NAALADL2: variants seen among roughly 807,000 people sequenced by gnomAD.
The protein encoded by NAALADL2 is N-acetylated alpha-linked acidic dipeptidase like 2.
Under a neutral mutation model 87.2 loss-of-function variants are expected in NAALADL2, and 76 were observed. The ratio of observed to expected loss-of-function variants is 0.87; its 90% CI spans 0.72 to 1.05. NAALADL2 has a LOEUF of 1.05. NAALADL2 is among the 50% of genes least tolerant of loss of function. NAALADL2 has a pLI of 0.00. For missense variants in NAALADL2, 1,089 were observed against 945.8 expected, an observed-to-expected ratio of 1.15 and a Z score of -1.99; for synonymous variants, 354 against 331.0, an observed-to-expected ratio of 1.07 and a Z score of -0.75.
intron 9 of NAALADL2, among the ~76,000 whole-genome samples, chr3:175,512,020 C>G (rs151159158): frequency 6.6e-6 from 1 of 152,050 alleles, no homozygotes; most frequent in Non-Finnish European, 1.5e-5. Flanking sequence ...GGTAGAGGAT[C>G]GCTTTGAGCC....
chr3:174,791,895 A>G (rs2109205331), intron 3 of NAALADL2, among the ~76,000 whole-genome samples: 1 of 152,264 alleles, frequency 6.6e-6, no homozygotes, highest in East Asian at 1.9e-4. Flanking sequence ...GAAGTGTCCA[A>G]TAAATATTTG....
chr3:175,370,816 A>C (rs1319288282), intron 5 of NAALADL2, among the ~76,000 whole-genome samples: 1 of 152,196 alleles, frequency 6.6e-6, no homozygotes, highest in South Asian at 2.1e-4. Flanking sequence ...ATTGTTTTCA[A>C]TAAAAGGGTA....
chr3:174,936,162 G>C (rs1737659464), intron 1 of NAALADL2, among the ~76,000 whole-genome samples: 2 of 152,052 alleles, frequency 1.3e-5, no homozygotes, highest in African/African-American at 4.8e-5. Flanking sequence ...CAATTTTAGA[G>C]TATTTGTTAG....
At chr3:175,147,606 T>G (rs1730930839) in intron 2 of NAALADL2, among the ~76,000 whole-genome samples, 1 of 151,974 alleles carries the variant, frequency 6.6e-6, no homozygotes, top group Admixed American at 6.6e-5. Flanking sequence ...GGGTATATAC[T>G]CAATAATGGG....
chr3:175,324,853 A>G (rs1160630320), intron 5 of NAALADL2, among the ~76,000 whole-genome samples: 1 of 152,238 alleles, frequency 6.6e-6, no homozygotes, highest in Non-Finnish European at 1.5e-5. Context: ...CACTGGAAGT[A>G]TAGAGATGGC....
At chr3:175,367,536 G>T (rs1444812915) in intron 5 of NAALADL2, among the ~76,000 whole-genome samples, 1 of 152,002 alleles carries the variant, frequency 6.6e-6, no homozygotes, top group East Asian at 1.9e-4. Context: ...TTATTTCCTT[G>T]AGCAGTGGTT....
intron 1 of NAALADL2, among the ~76,000 whole-genome samples, chr3:175,005,073 A>G (rs1021226145): frequency 5.3e-5 from 8 of 152,178 alleles, no homozygotes; most frequent in African/African-American, 1.7e-4. Context: ...CTTGAGTGTA[A>G]TGAAAAGGTT....
chr3:175,504,565 T>C (rs148163769), intron 9 of NAALADL2, among the ~76,000 whole-genome samples: 1 of 134,326 alleles, frequency 7.4e-6, no homozygotes, highest in Non-Finnish European at 1.6e-5. Context: ...CTCTCTCTGT[T>C]TCTCTCTCTC....
At chr3:175,282,684 T>G (rs1010453878) in intron 4 of NAALADL2, among the ~76,000 whole-genome samples, 13 of 152,134 alleles carry the variant, frequency 8.5e-5, no homozygotes, top group Admixed American at 6.6e-4. Context: ...TGAGTAATAT[T>G]TATTACATTT....
chr3:175,008,604 G>A (rs1749358688), intron 1 of NAALADL2, among the ~76,000 whole-genome samples: 1 of 152,104 alleles, frequency 6.6e-6, no homozygotes, highest in Non-Finnish European at 1.5e-5. Context: ...AATCACATAA[G>A]CTCCCAATTT....
intron 3 of NAALADL2, among the ~76,000 whole-genome samples, chr3:174,762,640 T>C (rs1713183197): frequency 6.6e-6 from 1 of 151,998 alleles, no homozygotes; most frequent in African/African-American, 2.4e-5. Context: ...TAAGTCAGAC[T>C]TGGGGCCCCA....
intron 2 of NAALADL2, among the ~76,000 whole-genome samples, chr3:174,705,393 G>T (rs138457646): frequency 6.6e-6 from 1 of 152,286 alleles, no homozygotes; most frequent in Non-Finnish European, 1.5e-5. Flanking sequence ...AGCATAATTT[G>T]TCCTGTGACA....
rs552052547 is a variant in NAALADL2 at position 174,940,230 on chromosome 3, G to A, written c.43+80780G>A. 8.9e-4 allele frequency among the ~76,000 whole-genome samples: 135 copies of A among 152,122 alleles called. 1 individual carries two copies. Among genetic ancestry groups the A allele is most frequent in the South Asian group, 1.7e-3 (8 of 4,822 alleles). On this transcript the variant is annotated intron_variant, in intron 1 of 13. Transcript: ENST00000454872. Reference sequence around the variant, plus strand: ...AGTTTATAACATGAAGGAGTGTTGAGTTTTTTCAAAAGCCTTTTATGCATC... The same window carrying A: ...AGTTTATAACATGAAGGAGTGTTGAATTTTTTCAAAAGCCTTTTATGCATC...
intron 1 of NAALADL2, among the ~76,000 whole-genome samples, chr3:174,883,696 G>A (rs1729714455): frequency 6.6e-6 from 1 of 152,156 alleles, no homozygotes; most frequent in African/African-American, 2.4e-5. Context: ...TGGTATTGAT[G>A]ACTACATTCT....
intron 4 of NAALADL2, among the ~76,000 whole-genome samples, chr3:175,319,447 T>C (rs1759557826): frequency 6.6e-6 from 1 of 152,238 alleles, no homozygotes; most frequent in Admixed American, 6.5e-5. Context: ...TGTTTTAAAA[T>C]CATGCTATAT....
intron 2 of NAALADL2, among the ~76,000 whole-genome samples, chr3:174,707,242 C>G (rs1409668538): frequency 6.7e-6 from 1 of 149,480 alleles, no homozygotes; most frequent in East Asian, 2.0e-4. Flanking sequence ...TGTGGCGATT[C>G]CTCGGGGATC....
At chr3:174,677,905 A>C (rs909629991) in intron 2 of NAALADL2, among the ~76,000 whole-genome samples, 4 of 152,102 alleles carry the variant, frequency 2.6e-5, no homozygotes, top group Non-Finnish European at 5.9e-5. Flanking sequence ...AAATGCAAAA[A>C]ATGTATCAAT....
intron 1 of NAALADL2, among the ~76,000 whole-genome samples, chr3:175,069,946 G>C (rs1447107006): frequency 6.7e-6 from 1 of 149,276 alleles, no homozygotes; most frequent in Non-Finnish European, 1.5e-5. Context: ...CTCACTCATA[G>C]GTGAGAATTG....
intron 1 of NAALADL2, among the ~76,000 whole-genome samples, chr3:174,525,434 AG>A (rs757668787): frequency 9.3e-4 from 141 of 152,182 alleles, no homozygotes; most frequent in Non-Finnish European, 1.7e-3. Flanking sequence ...GAGCAAGAGA[AG>A]GGGGATGTCT....
Sources: gnomAD v4.1 joint callset for allele counts (sites outside exome capture counted in the v4.1 genomes callset) on GRCh38, gnomAD v4.1.1 for gene constraint, MANE v1.5 for transcripts, NCBI Gene and HGNC (gene_info 2026-07-23, HGNC 2026-07-21) for gene names.